The following PLOD3 variants were observed in gnomAD, a reference collection of about 807,000 sequenced individuals.
PLOD3 encodes multifunctional procollagen lysine hydroxylase and glycosyltransferase LH3.
In PLOD3, 73 loss-of-function variants were observed where a neutral mutation model predicts 96.9. That is an observed-to-expected ratio of 0.75 (90% CI 0.62 to 0.92). The LOEUF (loss-of-function observed/expected upper bound fraction) is 0.92. Among genes scored for constraint, PLOD3 ranks in the 40% least tolerant of loss-of-function variants. The pLI is 0.00. For missense variants in PLOD3, 1,004 were observed against 1,004.3 expected (o/e 1.00, Z 0.00); for synonymous variants, 454 against 413.7 (o/e 1.10, Z -1.18).
Position 101,206,819 on chromosome 7 carries a change from G to A in PLOD3, c.2021C>T (p.Thr674Ile). 5.1e-6 allele frequency: 8 copies of A among 1,580,384 alleles called. No homozygotes were observed. Among genetic ancestry groups the A allele is most frequent in the Non-Finnish European group, 6.9e-6 (8 of 1,162,804 alleles). ...LRPHHDSSTFTLNVALNHKGL... is the reference protein window; with the variant it reads ...LRPHHDSSTFILNVALNHKGL... ...CTTGTGGTTGAGGGCAACGTTGAGGGTGAAGGTGGATGAGTCGTGGTGTGG... is the reference window on the plus strand; with the variant it reads ...CTTGTGGTTGAGGGCAACGTTGAGGATGAAGGTGGATGAGTCGTGGTGTGG... The change falls in exon 18 of 19, where the codon ACC becomes ATC. Residue 674 changes from threonine (T) to isoleucine (I), a missense_variant. By Grantham distance (89) the Thr-to-Ile change is moderately conservative (BLOSUM62 -1). Transcript: ENST00000223127.
intron 15 of PLOD3, among the ~76,000 whole-genome samples, chr7:101,209,355 T>C (rs1184273415): frequency 2.0e-5 from 3 of 151,574 alleles, no homozygotes; most frequent in Non-Finnish European, 2.9e-5. Flanking sequence ...TACAGGCACA[T>C]GCCACCATGC....
At chr7:101,206,725 G>A in intron 18 of PLOD3, 54 bp downstream of exon 18, 3 of 1,547,674 alleles carry the variant, frequency 1.9e-6, no homozygotes, top group Non-Finnish European at 1.8e-6. Flanking sequence ...GCTCTAGGTG[G>A]GGACCCGAGG....
At chr7:101,206,522 C>T (rs1309077045) in intron 18 of PLOD3, 86 bp from the exon 19 acceptor site, 10 of 1,279,284 alleles carry the variant, frequency 7.8e-6, no homozygotes, top group African/African-American at 1.5e-5. Flanking sequence ...GCGGCCAGAC[C>T]GGGGGGCACG....
At position 101,211,591 on chromosome 7, in the gene PLOD3, A is replaced by C. The variant is rs1584252767; in HGVS notation, c.1358T>G (p.Val453Gly). 2 of 1,598,174 alleles carry C rather than the reference A, an allele frequency of 1.3e-6. No individual in the cohort carries two copies. The highest frequency in any genetic ancestry group is 1.7e-6 in the Non-Finnish European group (2 of 1,173,546). ...GGGGCTGCAGGCTGGCGGGACTCAC[A>C]CTCGCTTCCGCTGCACCAGCTCCAC... is the stretch of plus-strand genomic sequence containing the variant. ...DYVELVQRKR[V>G]GVWNVPYISQ... The change falls in exon 12 of 19, where the codon GTG (valine) becomes GGG (glycine). Residue 453 changes from valine (V) to glycine (G), a missense_variant and splice_region_variant. Transcript: ENST00000223127.
chr7:101,215,108 C>A lies in PLOD3; in HGVS notation c.660G>T (p.Gln220His). 1 of 1,613,560 alleles carries A rather than the reference C, an allele frequency of 6.2e-7. No individual in the cohort carries two copies. The highest frequency in any genetic ancestry group is 8.5e-7 in the Non-Finnish European group (1 of 1,179,404). ...LNLDHKSRIF[Q>H]NLNGALDEVV... is the part of the protein sequence containing the mutation. ...CCTCACCTAAAGCCCCGTTGAGGTT[C>A]TGAAAGATCCGAGACTTATGATCCA... The change falls in exon 6 of 19, where the codon CAG becomes CAT. Residue 220 changes from glutamine (Q) to histidine (H), a missense_variant. Gln to His is a conservative substitution (Grantham distance 24, BLOSUM62 0). Around this residue, in one of 5 missense-constraint regions of PLOD3, gnomAD observed 690 missense variants for 650.2 expected, o/e 1.06. Coordinates refer to ENST00000223127, the MANE Select transcript of PLOD3 (RefSeq NM_001084.5).
chr7:101,206,875 G>A lies in PLOD3; in HGVS notation c.1965C>T (p.Arg655=), dbSNP rs753209974. ...GAGACGGCTGCTCGTCTGGCCGGTA[G>A]CGAACCACAAAGTTCATCACCGCCC... The part of the protein sequence containing the change: ...KARAVMNFVV[R]YRPDEQPSLR... Residue 655 remains arginine (R), a synonymous_variant, in exon 18 of 19, where the codon CGC becomes CGT. Transcript: ENST00000223127. The A allele has an allele frequency of 5.1e-6, 8 of 1,560,312 alleles. No individual in the cohort carries two copies. In the South Asian group the frequency reaches 9.4e-5, roughly 18 times the overall value.
Position 101,206,814 on chromosome 7 carries a change from T to A in PLOD3, c.2026A>T (p.Asn676Tyr), listed in dbSNP as rs777650701. The A allele has an allele frequency of 6.3e-7, 1 of 1,581,226 alleles. No individual in the cohort carries two copies. ...PHHDSSTFTL[N>Y]VALNHKGLDY... is the part of the protein sequence containing the mutation. ...AGGCCCTTGTGGTTGAGGGCAACGT[T>A]GAGGGTGAAGGTGGATGAGTCGTGG... The change falls in exon 18 of 19, where the codon AAC (asparagine) becomes TAC (tyrosine). Residue 676 changes from asparagine (N) to tyrosine (Y), a missense_variant. Asn to Tyr is a moderately radical substitution (Grantham distance 143). Coordinates refer to ENST00000223127, the MANE Select transcript of PLOD3 (RefSeq NM_001084.5).
At chr7:101,210,763 T>C in intron 12 of PLOD3, 90 bp from the exon 13 acceptor site, 1 of 1,458,584 alleles carries the variant, frequency 6.9e-7, no homozygotes, top group East Asian at 2.3e-5. Flanking sequence ...CCTCAGGGTA[T>C]CCCAGTCCCT....
Position 101,206,897 on chromosome 7 carries a change from G to T in PLOD3, c.1943C>A (p.Ala648Glu). The change falls in exon 18 of 19, where the codon GCG becomes GAG. Residue 648 changes from alanine to glutamate, a missense_variant. Ala to Glu is a moderately radical substitution (Grantham distance 107, BLOSUM62 -1). Around this residue, in one of 5 missense-constraint regions of PLOD3, gnomAD observed 222 missense variants for 220.4 expected, o/e 1.01. Transcript: ENST00000223127. The part of the protein sequence containing the change: ...LFPGYHTKAR[A>E]VMNFVVRYRP... ...GTAGCGAACCACAAAGTTCATCACC[G>T]CCCGCGCCTGGGGGAGAGGAGGGAA... The T allele has an allele frequency of 6.4e-7, 1 of 1,556,972 alleles. No homozygotes were observed. The highest frequency in any genetic ancestry group is 8.7e-7 in the Non-Finnish European group (1 of 1,149,856).
At chr7:101,215,216 A>C in intron 5 of PLOD3, 64 bp from the exon 6 acceptor site, 2 of 1,180,374 alleles carry the variant, frequency 1.7e-6, no homozygotes, top group South Asian at 1.2e-5. Context: ...ATCATTTCTC[A>C]CTTTTCTCTC....
chr7:101,216,241 T>A lies in PLOD3; in HGVS notation c.424A>T (p.Ser142Cys), dbSNP rs778372657. 23 of 1,613,582 alleles carry A rather than the reference T, an allele frequency of 1.4e-5. No homozygotes were observed. The highest frequency in any genetic ancestry group is 1.9e-5 in the Non-Finnish European group (22 of 1,180,008). ...AGCCCCCACTCGGGCCAGCAGAAGCTCTCTGCAGAGAAGAGCAGGCGGCTG... is the reference window on the plus strand; with the variant it reads ...AGCCCCCACTCGGGCCAGCAGAAGCACTCTGCAGAGAAGAGCAGGCGGCTG... ...SGSRLLFSAE[S>C]FCWPEWGLAE... Residue 142 changes from serine (S) to cysteine (C), a missense_variant, in exon 4 of 19, where the codon AGC becomes TGC. Physicochemically the swap from Ser to Cys is moderately radical, Grantham distance 112. Transcript: ENST00000223127.
intron 17 of PLOD3, 73 bp from the exon 18 acceptor site, chr7:101,206,977 ATTCTT>A (rs989284047): frequency 6.0e-6 from 9 of 1,497,010 alleles, no homozygotes; most frequent in Admixed American, 4.1e-5. Context: ...TATTATTATT[ATTCTT>A]TTGAGATAGT....
intron 12 of PLOD3, 161 bp downstream of exon 12, chr7:101,211,430 C>T (rs11975752): frequency 0.01 from 7,167 of 687,360 alleles, 149 homozygotes; most frequent in East Asian, 0.073. Flanking sequence ...GTCCTCCTAC[C>T]TCAGCCTCCC....
At chr7:101,208,824 G>T (rs1237434772) in intron 16 of PLOD3, 29 bp downstream of exon 16, 4 of 1,392,822 alleles carry the variant, frequency 2.9e-6, no homozygotes, top group Non-Finnish European at 3.1e-6. Flanking sequence ...CTCTGGGAAG[G>T]CCTCTGCCCT....
chr7:101,210,807 A>C, intron 12 of PLOD3, 134 bp from the exon 13 acceptor site: 2 of 951,746 alleles, frequency 2.1e-6, no homozygotes, highest in Non-Finnish European at 3.2e-6. Flanking sequence ...CTTGTCAAGC[A>C]CTGCTGGTCC....
chr7:101,214,961 C>T (rs1798245239), intron 6 of PLOD3, 128 bp downstream of exon 6: 2 of 789,050 alleles, frequency 2.5e-6, no homozygotes, highest in Non-Finnish European at 4.6e-6. Flanking sequence ...ACCAGCCACT[C>T]AGACGCCTGA....
chr7:101,213,350 C>A, intron 6 of PLOD3, 146 bp from the exon 7 acceptor site: 2 of 703,566 alleles, frequency 2.8e-6, no homozygotes, highest in South Asian at 3.0e-5. Flanking sequence ...TGGGCAGGAA[C>A]CTTTGGGTTC....
chr7:101,212,322 T>C lies in PLOD3; in HGVS notation c.1058A>G (p.His353Arg). ...IADSWPQLQD[H>R]FSAVKLVGPE... ...CCCCACGAGCTTCACAGCTGAGAAGTGGTCCTGGAGCTGCGGCCAGGAGTC... is the reference window on the plus strand; with the variant it reads ...CCCCACGAGCTTCACAGCTGAGAAGCGGTCCTGGAGCTGCGGCCAGGAGTC... The change falls in exon 10 of 19, where the codon CAC becomes CGC. Residue 353 changes from histidine to arginine, a missense_variant. Around this residue, in one of 5 missense-constraint regions of PLOD3, gnomAD observed 690 missense variants for 650.2 expected, o/e 1.06. Transcript: ENST00000223127. The C allele has an allele frequency of 1.2e-6, 2 of 1,613,728 alleles. No individual in the cohort carries two copies. The highest frequency in any genetic ancestry group is 1.7e-6 in the Non-Finnish European group (2 of 1,179,928).
rs916041374 is a variant in PLOD3, at chr7:101,206,319, C to T, written c.2179G>A (p.Gly727Ser). 13 of 1,613,844 alleles carry T rather than the reference C, an allele frequency of 8.1e-6. No homozygotes were observed. The highest frequency in any genetic ancestry group is 6.7e-5 in the Admixed American group (4 of 59,994). Residue 727 changes from glycine to serine, a missense_variant, in exon 19 of 19, where the codon GGC (glycine) becomes AGC (serine). Transcript: ENST00000223127. ...AAGGACACCATGATGTAGCGTGTGC[C>T]CCAGGTCGTTGGCAGCCCCTCGTGG... The part of the protein sequence containing the change: ...HYHEGLPTTW[G>S]TRYIMVSFVD...
Sources: gnomAD v4.1 joint callset for allele counts (sites outside exome capture counted in the v4.1 genomes callset) on GRCh38, gnomAD v4.1.1 for gene constraint, gnomAD v4.1.1 regional missense constraint, MANE v1.5 for transcripts, NCBI Gene and HGNC (gene_info 2026-07-23, HGNC 2026-07-21) for gene names.